Variants in SEC22C observed in about 807,000 individuals in gnomAD.
The protein encoded by SEC22C is vesicle-trafficking protein SEC22c.
In SEC22C, 29 loss-of-function variants were observed where a neutral mutation model predicts 34.7. That is an observed-to-expected ratio of 0.84 (90% CI 0.62 to 1.14). The LOEUF is 1.14. Ranked by LOEUF, SEC22C falls within the 50% of genes most tolerant of loss-of-function variation. The pLI is 0.00. For synonymous variants in SEC22C, 117 were observed against 132.8 expected, an observed-to-expected ratio of 0.88 and a Z score of 0.82; for missense variants, 337 against 369.0, an observed-to-expected ratio of 0.91 and a Z score of 0.71.
At position 42,551,743 on chromosome 3, in the gene SEC22C, T is replaced by G; in HGVS notation, c.*1505A>C. 5 of 967,390 alleles carry G rather than the reference T, an allele frequency of 5.2e-6. No homozygotes were observed. The highest frequency in any genetic ancestry group is 4.9e-6 in the Non-Finnish European group (4 of 813,566). The allele number at this position is 967,390 out of a possible 1,614,324, so 59.9% of individuals were successfully genotyped here. ...ACATAGTTCCCAGTATATAAACTTA[T>G]TTTTCTTAAAATGATAACAAGGTAG... is the stretch of plus-strand genomic sequence containing the variant. On this transcript the variant is annotated 3_prime_UTR_variant, in exon 7 of 7. Coordinates refer to ENST00000264454, the MANE Select transcript of SEC22C (RefSeq NM_032970.4).
intron 6 of SEC22C, 51 bp downstream of exon 6, chr3:42,555,879 C>G: frequency 7.1e-7 from 1 of 1,415,368 alleles, no homozygotes; most frequent in Non-Finnish European, 1.0e-6. Flanking sequence ...AACAGAAGAA[C>G]AAAGTAAGGT....
At position 42,551,942 on chromosome 3, in the gene SEC22C, T is replaced by C. The variant is rs927851592; in HGVS notation, c.*1306A>G. ...ACATAATGCAGTTGAACACTCAAAG[T>C]GTTCCATGCAACTGTGGTTGAACTA... On this transcript the variant is annotated 3_prime_UTR_variant, in exon 7 of 7. Coordinates refer to ENST00000264454, the MANE Select transcript of SEC22C (RefSeq NM_032970.4). 4.1e-6 allele frequency: 4 copies of C among 985,232 alleles called. No individual in the cohort carries two copies. The highest frequency in any genetic ancestry group is 4.8e-6 in the Non-Finnish European group (4 of 829,834). The allele number at this position is 985,232 out of a possible 1,614,324, so 61.0% of individuals were successfully genotyped here. A position where few individuals can be genotyped will look rare whatever the true frequency, so the allele number is the denominator to read the frequency against.
intron 1 of SEC22C, chr3:42,591,659 G>T: frequency 8.5e-7 from 1 of 1,179,324 alleles, no homozygotes. Context: ...CCTGTGTGAT[G>T]CGGTGCTTTC....
intron 1 of SEC22C, among the ~76,000 whole-genome samples, chr3:42,577,474 C>T (rs1704041312): frequency 6.6e-6 from 1 of 152,034 alleles, no homozygotes; most frequent in Non-Finnish European, 1.5e-5. Context: ...ACAGACATTT[C>T]ACAAAGAGGA....
upstream of SEC22C, chr3:42,582,243 G>A (rs1553649599): frequency 6.6e-6 from 1 of 152,276 alleles, no homozygotes; most frequent in Non-Finnish European, 1.5e-5. Context: ...GAGGTGAGAA[G>A]GAGCCTTCGT....
intron 1 of SEC22C, chr3:42,600,347 T>G (rs1425212164): frequency 2.6e-5 from 4 of 152,248 alleles, no homozygotes; most frequent in African/African-American, 9.7e-5. Context: ...CTCAGTTCCT[T>G]CACAGCGCTC....
Position 42,554,593 on chromosome 3 carries a change from G to A in SEC22C, c.712-1145C>T, listed in dbSNP as rs1702414227. 2.6e-5 allele frequency among the ~76,000 whole-genome samples: 4 copies of A among 152,232 alleles called. No individual in the cohort carries two copies. The South Asian group carries it at 8.3e-4, about 32-fold the overall frequency. On this transcript the variant is annotated intron_variant, in intron 6 of 6. Coordinates refer to ENST00000264454, the MANE Select transcript of SEC22C (RefSeq NM_032970.4). ...GGCCTCAAGTGATCCACACATCTTG[G>A]CCTCCCAAAGTGCTAGGATTACAGG... is the stretch of plus-strand genomic sequence containing the variant.
At chr3:42,580,178 C>G (rs79693338) in intron 1 of SEC22C, among the ~76,000 whole-genome samples, 5,526 of 152,216 alleles carry the variant, frequency 0.036, 164 homozygotes, top group East Asian at 0.12. Context: ...TTTTCTTCCA[C>G]CTTTTACCCT....
chr3:42,600,867 C>A, intron 1 of SEC22C: 3 of 591,706 alleles, frequency 5.1e-6, no homozygotes, highest in South Asian at 6.0e-5. Flanking sequence ...CCTGCGCTGT[C>A]GCGACGGGCC....
intron 5 of SEC22C, among the ~76,000 whole-genome samples, chr3:42,556,925 G>A (rs1356466064): frequency 1.3e-5 from 2 of 152,222 alleles, no homozygotes; most frequent in South Asian, 4.1e-4. Flanking sequence ...TTTTCACCAT[G>A]TTGATCAGGC....
chr3:42,566,896 G>T, intron 2 of SEC22C: 1 of 279,046 alleles, frequency 3.6e-6, no homozygotes, highest in Admixed American at 3.9e-5. Context: ...TACTTGGGAG[G>T]CTATCTATCA....
rs776185124 is a variant in SEC22C, at chr3:42,553,328, G to A, written c.832C>T (p.His278Tyr). The A allele has an allele frequency of 3.1e-6, 5 of 1,614,044 alleles. No individual in the cohort carries two copies. The East Asian group carries it at 1.1e-4, about 36-fold the overall frequency. ...GAAGACAGAAAAGCCACTCCTATGT[G>A]GAAAAGGATTTGCCAGAGGTTCCTC... Reference protein sequence around the residue: ...GLRNLWQILFHIGVAFLSSYQ... With the variant: ...GLRNLWQILFYIGVAFLSSYQ... Residue 278 changes from histidine to tyrosine, a missense_variant, in exon 7 of 7, where the codon CAC (histidine) becomes TAC (tyrosine). Transcript: ENST00000264454.
In SEC22C at chr3:42,550,941, T is replaced by C. The variant is rs1208409913; in HGVS notation, c.*2307A>G. 1.2e-6 allele frequency: 1 copy of C among 818,708 alleles called. No homozygotes were observed. Among genetic ancestry groups the C allele is most frequent in the Non-Finnish European group, 1.5e-6 (1 of 680,056 alleles). 50.7% of individuals were successfully genotyped at this position (818,708 alleles called of 1,614,324 possible). ...TGGAGTGCAGTGGCTCGATCTCGGC[T>C]CACTGCAACCTCCACCTCCCGGGTT... On this transcript the variant is annotated 3_prime_UTR_variant, in exon 7 of 7. Transcript: ENST00000264454.
exon 1 of SEC22C, chr3:42,601,051 C>A: frequency 6.3e-7 from 1 of 1,579,720 alleles, no homozygotes; most frequent in Non-Finnish European, 8.6e-7. Flanking sequence ...ACATCGAGAT[C>A]AACCGGGAGC....
At chr3:42,582,059 C>T (rs1353288613), upstream of SEC22C, 1 of 152,330 alleles carries the variant, frequency 6.6e-6, no homozygotes, top group Non-Finnish European at 1.5e-5. Context: ...CCGACCAATC[C>T]CGGCGCGCCT....
At chr3:42,561,409 C>G in intron 3 of SEC22C, 113 bp from the exon 4 acceptor site, 1 of 1,080,740 alleles carries the variant, frequency 9.3e-7, no homozygotes, top group Non-Finnish European at 1.3e-6. Context: ...GTCTCACTGT[C>G]GCCCACTCTG....
At chr3:42,575,987 A>G (rs1227208579) in intron 1 of SEC22C, among the ~76,000 whole-genome samples, 1 of 152,200 alleles carries the variant, frequency 6.6e-6, no homozygotes, top group South Asian at 2.1e-4. Flanking sequence ...AACTCAATAA[A>G]TTTAAAATAA....
chr3:42,553,330 A>C lies in SEC22C; in HGVS notation c.830T>G (p.Phe277Cys). 6.2e-7 allele frequency: 1 copy of C among 1,614,178 alleles called. No individual in the cohort carries two copies. Among genetic ancestry groups the C allele is most frequent in the Non-Finnish European group, 8.5e-7 (1 of 1,180,034 alleles). ...HGLRNLWQIL[F>C]HIGVAFLSSY... ...AGACAGAAAAGCCACTCCTATGTGG[A>C]AAAGGATTTGCCAGAGGTTCCTCAG... The change falls in exon 7 of 7, where the codon TTC becomes TGC. Residue 277 changes from phenylalanine to cysteine, a missense_variant. Phe to Cys is a radical substitution (Grantham distance 205). Transcript: ENST00000264454.
At chr3:42,560,517 A>G (rs953168792) in intron 4 of SEC22C, among the ~76,000 whole-genome samples, 26 of 143,842 alleles carry the variant, frequency 1.8e-4, no homozygotes, top group Non-Finnish European at 3.4e-4. Flanking sequence ...TCTCTATTTG[A>G]AAAAAAAAAA....
Sources: gnomAD v4.1 joint callset for allele counts (sites outside exome capture counted in the v4.1 genomes callset) on GRCh38, gnomAD v4.1.1 for gene constraint, MANE v1.5 for transcripts, NCBI Gene and HGNC (gene_info 2026-07-23, HGNC 2026-07-21) for gene names.